The following VIT variants were observed in gnomAD, a reference collection of about 807,000 sequenced individuals.
VIT encodes the protein vitrin.
VIT carries 99 observed loss-of-function variants against 78.0 expected under a neutral mutation model. That is an observed-to-expected ratio of 1.27 (90% CI 1.08 to 1.50). VIT has a LOEUF of 1.50. VIT is among the 40% of genes most tolerant of loss of function. The pLI is 0.00. For synonymous variants in VIT, 374 were observed against 334.3 expected (o/e 1.12, Z -1.29); for missense variants, 1,126 against 875.3 (o/e 1.29, Z -3.61).
chr2:36,749,425 C>T (rs1668326861), intron 4 of VIT, among the ~76,000 whole-genome samples: 2 of 152,208 alleles, frequency 1.3e-5, no homozygotes, highest in African/African-American at 4.8e-5. Flanking sequence ...CCTCATACCA[C>T]TCTTGCTTAA....
chr2:36,768,122 C>T (rs949485427), intron 7 of VIT, among the ~76,000 whole-genome samples: 1 of 152,156 alleles, frequency 6.6e-6, no homozygotes, highest in Non-Finnish European at 1.5e-5. Flanking sequence ...CCTACCTATC[C>T]ATCTTCTTAT....
Position 36,699,462 on chromosome 2 carries a change from A to G in VIT, c.-19+2489A>G, listed in dbSNP as rs538565639. On this transcript the variant is annotated intron_variant, in intron 1 of 15. Coordinates refer to ENST00000379242, the MANE Select transcript of VIT (RefSeq NM_053276.4). The stretch of plus-strand genomic sequence containing the variant: ...TTTACCTAACCAGAGACTTACATGT[A>G]TACAAAAATGAAATTTGACATAATT... Among the ~76,000 whole-genome samples, 10 of 152,186 alleles carry G rather than the reference A, an allele frequency of 6.6e-5. No homozygotes were observed. The East Asian group carries it at 1.9e-3, about 29-fold the overall frequency.
chr2:36,776,943 G>T (rs1452632922), intron 9 of VIT, among the ~76,000 whole-genome samples: 2 of 149,466 alleles, frequency 1.3e-5, no homozygotes, highest in Non-Finnish European at 3.0e-5. Flanking sequence ...CAAAAAATTA[G>T]CCAGGCGTGG....
intron 9 of VIT, among the ~76,000 whole-genome samples, chr2:36,779,386 G>A (rs370664579): frequency 2.0e-5 from 3 of 152,204 alleles, no homozygotes; most frequent in South Asian, 2.1e-4. Flanking sequence ...CACTAAGCAA[G>A]CTCTCCATAA....
At chr2:36,732,557 G>A (rs1337900055) in intron 3 of VIT, among the ~76,000 whole-genome samples, 1 of 151,918 alleles carries the variant, frequency 6.6e-6, no homozygotes. Context: ...ATTCAACACT[G>A]TCAGTCTGCT....
At position 36,814,492 on chromosome 2, in the gene VIT, T is replaced by G. The variant is rs1667425675; in HGVS notation, c.*131T>G. ...CATGGAGAAACAAATGTCTTGTTATTATTCTTTGCCATCATGCTTTTTCAT... is the reference window on the plus strand; with the variant it reads ...CATGGAGAAACAAATGTCTTGTTATGATTCTTTGCCATCATGCTTTTTCAT... On this transcript the variant is annotated 3_prime_UTR_variant, in exon 16 of 16. Transcript: ENST00000379242. 2 of 1,136,106 alleles carry G rather than the reference T, an allele frequency of 1.8e-6. No homozygotes were observed. The highest frequency in any genetic ancestry group is 1.6e-5 in the African/African-American group (1 of 64,210). The allele number at this position is 1,136,106 out of a possible 1,614,324, so 70.4% of individuals were successfully genotyped here.
At chr2:36,781,277 A>T (rs900335210) in intron 9 of VIT, among the ~76,000 whole-genome samples, 1 of 152,192 alleles carries the variant, frequency 6.6e-6, no homozygotes, top group Non-Finnish European at 1.5e-5. Flanking sequence ...GATAGATGGG[A>T]AAGGATTTAG....
At chr2:36,808,329 G>C in intron 14 of VIT, 143 bp from the exon 15 acceptor site, 1 of 1,215,554 alleles carries the variant, frequency 8.2e-7, no homozygotes, top group Non-Finnish European at 1.1e-6. Flanking sequence ...TGGGTGAACC[G>C]AGATGGAAGA....
chr2:36,767,369 C>G, intron 7 of VIT, 84 bp downstream of exon 7: 1 of 1,345,476 alleles, frequency 7.4e-7, no homozygotes, highest in Non-Finnish European at 9.7e-7. Flanking sequence ...TGAGCATCTA[C>G]TGGGCTGGGT....
At chr2:36,795,365 A>ATTTAT (rs1281379928) in intron 12 of VIT, among the ~76,000 whole-genome samples, 2 of 147,900 alleles carry the variant, frequency 1.4e-5, no homozygotes, top group Non-Finnish European at 3.0e-5. Flanking sequence ...ATTTTATTTT[A>ATTTAT]TTTATTTTAT....
At chr2:36,730,998 G>A (rs1430166762) in intron 3 of VIT, among the ~76,000 whole-genome samples, 5 of 152,280 alleles carry the variant, frequency 3.3e-5, no homozygotes, top group African/African-American at 9.6e-5. Flanking sequence ...GGTGAAGGGT[G>A]GGGATCCATC....
chr2:36,731,420 C>T (rs1558522620), intron 3 of VIT, among the ~76,000 whole-genome samples: 1 of 151,972 alleles, frequency 6.6e-6, no homozygotes, highest in Non-Finnish European at 1.5e-5. Flanking sequence ...ACTACAGGCG[C>T]CCGCCACCAC....
At chr2:36,755,837 T>C (rs1322293160) in intron 5 of VIT, among the ~76,000 whole-genome samples, 1 of 152,166 alleles carries the variant, frequency 6.6e-6, no homozygotes, top group Admixed American at 6.5e-5. Context: ...TTTAAAAATA[T>C]AATGTTATCA....
At chr2:36,708,953 G>A (rs534150534) in intron 1 of VIT, among the ~76,000 whole-genome samples, 59 of 152,134 alleles carry the variant, frequency 3.9e-4, no homozygotes, top group Admixed American at 1.9e-3. Flanking sequence ...AGTTCGAGAC[G>A]AGCGTGACCA....
At chr2:36,721,044 A>T (rs893007383) in intron 2 of VIT, among the ~76,000 whole-genome samples, 1 of 152,094 alleles carries the variant, frequency 6.6e-6, no homozygotes, top group Non-Finnish European at 1.5e-5. Context: ...TTCAGTTATA[A>T]GATGAATATG....
rs571006872 is a variant in VIT at position 36,800,918 on chromosome 2, G to A, written c.1059-383G>A. Among the ~76,000 whole-genome samples, 9 of 152,266 alleles carry A rather than the reference G, an allele frequency of 5.9e-5. 1 individual carries two copies. In the South Asian group the frequency reaches 1.5e-3, roughly 25 times the overall value. On this transcript the variant is annotated intron_variant, in intron 12 of 15. Coordinates refer to ENST00000379242, the MANE Select transcript of VIT (RefSeq NM_053276.4). Reference sequence around the variant, plus strand: ...CTGAGATTCTCTTTCTGGAGAGGGGGGTCTGGGGTAGGCTGAGAACGCTGA... The same window carrying A: ...CTGAGATTCTCTTTCTGGAGAGGGGAGTCTGGGGTAGGCTGAGAACGCTGA...
At chr2:36,738,859 G>A (rs1667665610) in intron 3 of VIT, among the ~76,000 whole-genome samples, 1 of 152,148 alleles carries the variant, frequency 6.6e-6, no homozygotes, top group Non-Finnish European at 1.5e-5. Flanking sequence ...CCTAATGGCA[G>A]CAAAAACCTA....
intron 1 of VIT, among the ~76,000 whole-genome samples, chr2:36,699,022 G>T (rs556749889): frequency 3.4e-4 from 52 of 151,400 alleles, no homozygotes; most frequent in African/African-American, 1.3e-3. Context: ...GATTACTTTA[G>T]AAAGCATTTA....
intron 3 of VIT, among the ~76,000 whole-genome samples, chr2:36,738,384 A>T (rs998989243): frequency 6.6e-6 from 1 of 152,196 alleles, no homozygotes; most frequent in Non-Finnish European, 1.5e-5. Context: ...TGAAAAATGA[A>T]GACTAATGCC....
Sources: allele counts gnomAD v4.1 joint callset (sites outside exome capture counted in the v4.1 genomes callset), GRCh38; gene constraint gnomAD v4.1.1; transcripts MANE v1.5; gene names NCBI Gene and HGNC (gene_info 2026-07-23, HGNC 2026-07-21).